BMPR1B: variants seen among roughly 807,000 people sequenced by gnomAD.
BMPR1B encodes the protein bone morphogenetic protein receptor type-1B.
A neutral mutation model predicts 59.1 loss-of-function variants in BMPR1B; 12 were observed. The ratio of observed to expected loss-of-function variants is 0.20; its 90% confidence interval spans 0.13 to 0.33. BMPR1B has a LOEUF of 0.33. BMPR1B is among the 10% of genes least tolerant of loss of function. The probability of loss-of-function intolerance (pLI) is 1.00; values close to 1 mark genes in which losing one functional copy is unlikely to be tolerated. For missense variants in BMPR1B, 550 were observed against 610.9 expected (o/e 0.90, Z 1.05); for synonymous variants, 237 against 207.3 (o/e 1.14, Z -1.23).
At chr4:94,792,636 G>T (rs1723027283) in intron 1 of BMPR1B, among the ~76,000 whole-genome samples, 1 of 152,064 alleles carries the variant, frequency 6.6e-6, no homozygotes, top group African/African-American at 2.4e-5. Context: ...TTTATTGTCT[G>T]GTATCCTTGT....
At chr4:94,851,276 A>G (rs1725558787) in intron 1 of BMPR1B, among the ~76,000 whole-genome samples, 1 of 152,192 alleles carries the variant, frequency 6.6e-6, no homozygotes, top group African/African-American at 2.4e-5. Context: ...CTCTTTGTCA[A>G]ACCAGTTCAT....
At chr4:94,765,388 T>C (rs1721932028) in intron 1 of BMPR1B, among the ~76,000 whole-genome samples, 1 of 152,154 alleles carries the variant, frequency 6.6e-6, no homozygotes, top group Non-Finnish European at 1.5e-5. Flanking sequence ...TGAAACATAT[T>C]TAATGTGTAA....
chr4:94,815,970 T>C (rs1723994718), intron 1 of BMPR1B, among the ~76,000 whole-genome samples: 1 of 152,240 alleles, frequency 6.6e-6, no homozygotes, highest in African/African-American at 2.4e-5. Flanking sequence ...AAAATGAATA[T>C]GTTTTTCATA....
chr4:94,980,210 T>C (rs1731183113), intron 2 of BMPR1B, among the ~76,000 whole-genome samples: 1 of 152,248 alleles, frequency 6.6e-6, no homozygotes, highest in East Asian at 1.9e-4. Context: ...GATTTATTCA[T>C]CACAAAATTG....
chr4:94,826,838 C>A (rs1724401180), intron 1 of BMPR1B, among the ~76,000 whole-genome samples: 1 of 152,014 alleles, frequency 6.6e-6, no homozygotes, highest in South Asian at 2.1e-4. Flanking sequence ...AAAAACCCTA[C>A]CTTTCCAAGA....
chr4:94,922,057 C>T (rs949279106), intron 2 of BMPR1B, among the ~76,000 whole-genome samples: 12 of 152,090 alleles, frequency 7.9e-5, no homozygotes, highest in Admixed American at 3.9e-4. Context: ...ACTGCAGCCT[C>T]GACCTTCTGG....
At chr4:94,915,570 C>A (rs1728452603) in intron 2 of BMPR1B, among the ~76,000 whole-genome samples, 2 of 152,062 alleles carry the variant, frequency 1.3e-5, no homozygotes, top group African/African-American at 4.8e-5. Flanking sequence ...AATAATACTT[C>A]CTCTTTAAAA....
intron 3 of BMPR1B, among the ~76,000 whole-genome samples, chr4:95,071,037 A>C (rs1263376441): frequency 6.6e-6 from 1 of 152,130 alleles, no homozygotes. Flanking sequence ...TGTAATGAAA[A>C]ATGTCTAAAT....
intron 8 of BMPR1B, among the ~76,000 whole-genome samples, chr4:95,128,461 G>A (rs999450624): frequency 1.3e-5 from 2 of 152,084 alleles, no homozygotes; most frequent in African/African-American, 2.4e-5. Context: ...TTCAATCTTG[G>A]AACCATTGAT....
intron 1 of BMPR1B, among the ~76,000 whole-genome samples, chr4:94,868,824 T>C (rs1389431247): frequency 6.6e-6 from 1 of 152,208 alleles, no homozygotes; most frequent in Non-Finnish European, 1.5e-5. Context: ...CTTTAAAACA[T>C]ATATTTCACC....
At chr4:94,816,208 A>G (rs554285434) in intron 1 of BMPR1B, among the ~76,000 whole-genome samples, 23 of 152,250 alleles carry the variant, frequency 1.5e-4, no homozygotes, top group Middle Eastern at 6.8e-3. Flanking sequence ...GTGCAGTGGC[A>G]CGATCTCAGC....
intron 2 of BMPR1B, among the ~76,000 whole-genome samples, chr4:94,889,360 A>G (rs1028604629): frequency 6.6e-6 from 1 of 152,216 alleles, no homozygotes; most frequent in East Asian, 1.9e-4. Flanking sequence ...AAACATTTCT[A>G]GGCCCTGCGT....
intron 1 of BMPR1B, among the ~76,000 whole-genome samples, chr4:94,815,401 C>A (rs1723974432): frequency 6.6e-6 from 1 of 152,102 alleles, no homozygotes. Flanking sequence ...TATTTTCCAG[C>A]AAATAACTCT....
chr4:94,882,508 A>T (rs1406673907), intron 2 of BMPR1B, among the ~76,000 whole-genome samples: 1 of 152,184 alleles, frequency 6.6e-6, no homozygotes, highest in Non-Finnish European at 1.5e-5. Context: ...TGTGCTAAGC[A>T]CTCAGCATAT....
chr4:95,097,173 G>C (rs1730489782), intron 3 of BMPR1B, among the ~76,000 whole-genome samples: 1 of 148,242 alleles, frequency 6.7e-6, no homozygotes, highest in Non-Finnish European at 1.5e-5. Flanking sequence ...CACAAGCTAA[G>C]TGAACCACAC....
At chr4:94,788,130 A>G (rs917911923) in intron 1 of BMPR1B, among the ~76,000 whole-genome samples, 2 of 152,166 alleles carry the variant, frequency 1.3e-5, no homozygotes, top group Admixed American at 6.5e-5. Flanking sequence ...CTGCAGTCTT[A>G]AGCTCTCCCA....
intron 2 of BMPR1B, among the ~76,000 whole-genome samples, chr4:94,942,488 A>G (rs930124044): frequency 3.9e-5 from 6 of 152,216 alleles, no homozygotes; most frequent in South Asian, 2.1e-4. Flanking sequence ...AGAAAAAACT[A>G]TTCTTTACTT....
chr4:94,854,038 A>G (rs918425004), intron 1 of BMPR1B, among the ~76,000 whole-genome samples: 2 of 152,046 alleles, frequency 1.3e-5, no homozygotes, highest in African/African-American at 2.4e-5. Flanking sequence ...TTTCCTGTTC[A>G]ATCTGTAGTT....
rs1021627983 is a variant in BMPR1B, at chr4:94,858,843, A to G, written c.-182-16988A>G. 5.9e-5 allele frequency among the ~76,000 whole-genome samples: 9 copies of G among 152,154 alleles called. 1 individual carries two copies. The highest frequency in any genetic ancestry group is 2.0e-4 in the Admixed American group (3 of 15,266). The stretch of plus-strand genomic sequence containing the variant: ...TCAAAGTGAAAGACACTGTAATCCT[A>G]TCTCCTCAGTCTTTCACCACCCCTT... On this transcript the variant is annotated intron_variant, in intron 1 of 12. Transcript: ENST00000515059.
Sources: gnomAD v4.1 joint callset for allele counts (sites outside exome capture counted in the v4.1 genomes callset) on GRCh38, gnomAD v4.1.1 for gene constraint, MANE v1.5 for transcripts, NCBI Gene and HGNC (gene_info 2026-07-23, HGNC 2026-07-21) for gene names.